The following EFCAB13 variants were observed in gnomAD, a reference collection of about 807,000 sequenced individuals.
The protein encoded by EFCAB13 is EF-hand calcium-binding domain-containing protein 13.
EFCAB13 carries 91 observed loss-of-function variants against 110.2 expected under a neutral mutation model. That is an observed-to-expected ratio of 0.83 (90% CI 0.70 to 0.98). The LOEUF is 0.98. EFCAB13 is among the 50% of genes least tolerant of loss of function. The probability of loss-of-function intolerance (pLI) is 0.00; values close to 1 mark genes in which losing one functional copy is unlikely to be tolerated. For missense variants in EFCAB13, 968 were observed against 1,119.4 expected (o/e 0.86, Z 1.93); for synonymous variants, 323 against 369.9 (o/e 0.87, Z 1.45).
At chr17:47,385,018 G>T (rs1236656506) in intron 14 of EFCAB13, among the ~76,000 whole-genome samples, 3 of 152,118 alleles carry the variant, frequency 2.0e-5, no homozygotes, top group Admixed American at 2.0e-4. Flanking sequence ...TGATCCGCCC[G>T]CCTCGGGCTC....
intron 13 of EFCAB13, among the ~76,000 whole-genome samples, chr17:47,378,858 A>G (rs1172319638): frequency 1.3e-5 from 2 of 152,172 alleles, no homozygotes; most frequent in Non-Finnish European, 2.9e-5. Flanking sequence ...CTATATGGAC[A>G]TCTTTCTTTT....
intron 14 of EFCAB13, among the ~76,000 whole-genome samples, chr17:47,386,647 T>C (rs983319100): frequency 6.6e-6 from 1 of 152,092 alleles, no homozygotes; most frequent in Non-Finnish European, 1.5e-5. Context: ...TGAACAGCTC[T>C]GTCTCGCTGG....
At chr17:47,415,102 T>C (rs542128758) in intron 23 of EFCAB13, 183 bp downstream of exon 23, 12 of 375,574 alleles carry the variant, frequency 3.2e-5, no homozygotes, top group Admixed American at 9.8e-5. Flanking sequence ...ATGGATGAAA[T>C]TGGAAATTAT....
chr17:47,366,262 G>A (rs1042665346), intron 10 of EFCAB13, among the ~76,000 whole-genome samples: 5 of 151,848 alleles, frequency 3.3e-5, no homozygotes, highest in Non-Finnish European at 7.4e-5. Flanking sequence ...GCTGATGGCA[G>A]TTCTTAGAGG....
chr17:47,428,610 G>A (rs1266117063), intron 23 of EFCAB13, among the ~76,000 whole-genome samples: 2 of 152,050 alleles, frequency 1.3e-5, no homozygotes, highest in East Asian at 1.9e-4. Flanking sequence ...TTACAACAAA[G>A]GTACCACTGC....
intron 23 of EFCAB13, among the ~76,000 whole-genome samples, chr17:47,421,094 C>T (rs1181236103): frequency 2.0e-5 from 3 of 151,932 alleles, no homozygotes; most frequent in Admixed American, 1.3e-4. Context: ...GCCGCGCCTA[C>T]TGGGAAGTGA....
chr17:47,337,421 C>A (rs1158750746), intron 5 of EFCAB13, among the ~76,000 whole-genome samples: 1 of 152,140 alleles, frequency 6.6e-6, no homozygotes, highest in Non-Finnish European at 1.5e-5. Flanking sequence ...AAAGCCTAAA[C>A]TCACCACAAT....
At chr17:47,352,817 T>A (rs1243369578) in intron 9 of EFCAB13, among the ~76,000 whole-genome samples, 1 of 152,208 alleles carries the variant, frequency 6.6e-6, no homozygotes, top group Non-Finnish European at 1.5e-5. Context: ...TTAAATGTAT[T>A]CCTAGGTACT....
chr17:47,404,204 G>A (rs1000265837), intron 19 of EFCAB13, among the ~76,000 whole-genome samples, 183 bp downstream of exon 19: 4 of 152,288 alleles, frequency 2.6e-5, no homozygotes, highest in African/African-American at 9.6e-5. Flanking sequence ...TTTTGTGGAA[G>A]TGGGCTTGTT....
chr17:47,423,670 G>A (rs1288425692), intron 23 of EFCAB13: 2 of 433,760 alleles, frequency 4.6e-6, no homozygotes, highest in Non-Finnish European at 7.5e-6. Flanking sequence ...GGCGCGCGGG[G>A]TCCGCACGAC....
chr17:47,420,240 C>G (rs541381975), intron 23 of EFCAB13, among the ~76,000 whole-genome samples: 1 of 152,246 alleles, frequency 6.6e-6, no homozygotes, highest in African/African-American at 2.4e-5. Flanking sequence ...GAGTCTGGTT[C>G]ACTCAGTGCT....
intron 13 of EFCAB13, 120 bp downstream of exon 13, chr17:47,378,023 A>G (rs1267866843): frequency 2.2e-6 from 2 of 923,802 alleles, no homozygotes; most frequent in Non-Finnish European, 3.1e-6. Context: ...GGGTCATTCT[A>G]AAGAAAATTC....
chr17:47,377,697 T>G, intron 12 of EFCAB13, 69 bp from the exon 13 acceptor site: 1 of 1,344,570 alleles, frequency 7.4e-7, no homozygotes, highest in Non-Finnish European at 1.0e-6. Context: ...TTTCTAAAGA[T>G]TTTGAGTATT....
chr17:47,440,331 CTT>C (rs1488066888), intron 24 of EFCAB13, 98 bp from the exon 25 acceptor site: 36 of 1,235,960 alleles, frequency 2.9e-5, no homozygotes, highest in Middle Eastern at 2.9e-4. Context: ...TACTCTCAAG[CTT>C]TTAACTTCTG....
chr17:47,377,634 C>A, intron 12 of EFCAB13, 132 bp from the exon 13 acceptor site: 1 of 657,918 alleles, frequency 1.5e-6, no homozygotes, highest in Non-Finnish European at 2.4e-6. Context: ...GAGAGAAAAG[C>A]AGTCTTATAA....
At chr17:47,393,214 A>T (rs2065717734) in intron 15 of EFCAB13, among the ~76,000 whole-genome samples, 1 of 152,188 alleles carries the variant, frequency 6.6e-6, no homozygotes, top group Non-Finnish European at 1.5e-5. Context: ...CTGGCTCATG[A>T]CATACATTTT....
rs1406648770 is a variant in EFCAB13 at position 47,409,702 on chromosome 17, A to T, written c.2278+11A>T. ...TACCAAAGGTAAACGGTGAGTAAGA[A>T]CTTTGTATATGAGAAAATTTTCAAT... is the stretch of plus-strand genomic sequence containing the variant. On this transcript the variant is annotated intron_variant, in intron 21 of 24. Transcript: ENST00000331493. 1.9e-6 allele frequency: 3 copies of T among 1,595,294 alleles called. No individual in the cohort carries two copies. The highest frequency in any genetic ancestry group is 2.7e-5 in the African/African-American group (2 of 74,420).
In EFCAB13 at chr17:47,440,826, T is replaced by A; in HGVS notation, c.*112T>A. ...TTTTTAAAACTTTTGACAAATCCAG[T>A]AGAATTTTTATCACTATCTGTTATG... On this transcript the variant is annotated 3_prime_UTR_variant, in exon 25 of 25. Coordinates refer to ENST00000331493, the MANE Select transcript of EFCAB13 (RefSeq NM_152347.5). 1.1e-6 allele frequency: 1 copy of A among 888,308 alleles called. No homozygotes were observed. Among genetic ancestry groups the A allele is most frequent in the Non-Finnish European group, 1.6e-6 (1 of 615,354 alleles). 55.0% of individuals were successfully genotyped at this position (888,308 alleles called of 1,614,324 possible).
chr17:47,421,022 G>A (rs540531614), intron 23 of EFCAB13, among the ~76,000 whole-genome samples: 1 of 149,110 alleles, frequency 6.7e-6, no homozygotes, highest in South Asian at 2.2e-4. Flanking sequence ...GAGGGAGGTG[G>A]GGGGGTCAGC....
Sources: gnomAD v4.1 joint callset for allele counts (sites outside exome capture counted in the v4.1 genomes callset) on GRCh38, gnomAD v4.1.1 for gene constraint, MANE v1.5 for transcripts, NCBI Gene and HGNC (gene_info 2026-07-23, HGNC 2026-07-21) for gene names.